WWOX: variants seen among roughly 807,000 people sequenced by gnomAD.
The protein encoded by WWOX is WW domain-containing oxidoreductase.
In WWOX, 69 loss-of-function variants were observed where a neutral mutation model predicts 46.2. That is an observed-to-expected ratio of 1.49 (90% CI 1.23 to 1.82). The LOEUF is 1.82. WWOX is among the 40% of genes most tolerant of loss of function. WWOX has a pLI of 0.00. For synonymous variants in WWOX, 359 were observed against 202.6 expected (o/e 1.77, Z -6.56); for missense variants, 919 against 542.6 (o/e 1.69, Z -6.89).
intron 8 of WWOX, among the ~76,000 whole-genome samples, chr16:78,853,768 G>A (rs1187429628): frequency 6.6e-6 from 1 of 152,002 alleles, no homozygotes; most frequent in African/African-American, 2.4e-5. Flanking sequence ...TACATCCCAG[G>A]GAGGTTTTCA....
chr16:79,023,599 T>C (rs2047578481), intron 8 of WWOX, among the ~76,000 whole-genome samples: 1 of 152,058 alleles, frequency 6.6e-6, no homozygotes, highest in South Asian at 2.1e-4. Context: ...GGAATGACGT[T>C]TTGGTCTGTG....
intron 5 of WWOX, among the ~76,000 whole-genome samples, chr16:78,378,076 A>C (rs771706668): frequency 6.6e-6 from 1 of 151,608 alleles, no homozygotes; most frequent in African/African-American, 2.4e-5. Context: ...GGAATGGCAA[A>C]CTCAGCCTCT....
chr16:78,588,360 T>G (rs2045268997), intron 8 of WWOX, among the ~76,000 whole-genome samples: 1 of 152,154 alleles, frequency 6.6e-6, no homozygotes, highest in East Asian at 1.9e-4. Context: ...GAGGCTGCCT[T>G]TGGTGAAATA....
chr16:78,572,860 C>G (rs575614558), intron 8 of WWOX, among the ~76,000 whole-genome samples: 10 of 152,014 alleles, frequency 6.6e-5, no homozygotes, highest in African/African-American at 1.4e-4. Flanking sequence ...AGTTCTGTTT[C>G]TTAAAATGAG....
intron 5 of WWOX, among the ~76,000 whole-genome samples, chr16:78,352,303 G>C (rs4547346): frequency 6.6e-6 from 1 of 152,102 alleles, no homozygotes; most frequent in African/African-American, 2.4e-5. Flanking sequence ...TAGTGACTTA[G>C]AACCACACAA....
At chr16:78,702,679 A>AAG (rs397689537) in intron 8 of WWOX, among the ~76,000 whole-genome samples, 1 of 151,608 alleles carries the variant, frequency 6.6e-6, no homozygotes, top group East Asian at 1.9e-4. Flanking sequence ...AAAAAAAAAA[A>AAG]GAAATGATGT....
At chr16:78,622,662 C>T (rs988415240) in intron 8 of WWOX, among the ~76,000 whole-genome samples, 1 of 137,358 alleles carries the variant, frequency 7.3e-6, no homozygotes. Flanking sequence ...ACCCTTCCCC[C>T]ACCTTGAATG....
intron 8 of WWOX, among the ~76,000 whole-genome samples, chr16:79,137,527 G>A (rs1334016337): frequency 6.6e-6 from 1 of 152,152 alleles, no homozygotes; most frequent in Non-Finnish European, 1.5e-5. Flanking sequence ...TTGGACCCGT[G>A]GCATTGTCCC....
At chr16:78,323,613 A>G (rs2080540139) in intron 5 of WWOX, among the ~76,000 whole-genome samples, 2 of 152,162 alleles carry the variant, frequency 1.3e-5, no homozygotes, top group African/African-American at 2.4e-5. Flanking sequence ...CATGCCCACT[A>G]TTTGGTTGTG....
intron 8 of WWOX, among the ~76,000 whole-genome samples, chr16:78,789,885 C>A (rs2737304): frequency 2.0e-5 from 3 of 151,926 alleles, no homozygotes; most frequent in African/African-American, 7.3e-5. Context: ...CTTGGGCTTC[C>A]AAATCAGACA....
At position 78,524,572 on chromosome 16, in the gene WWOX, C is replaced by T. The variant is rs185190446; in HGVS notation, c.1056+91820C>T. On this transcript the variant is annotated intron_variant, in intron 8 of 8. Coordinates refer to ENST00000566780, the MANE Select transcript of WWOX (RefSeq NM_016373.4). Reference sequence around the variant, plus strand: ...AGTAGCTGGGATTACAGTTGTGCACCACCAGGCTCTGCTAATTTTTATATT... The same window carrying T: ...AGTAGCTGGGATTACAGTTGTGCACTACCAGGCTCTGCTAATTTTTATATT... 1.0e-3 allele frequency among the ~76,000 whole-genome samples: 157 copies of T among 151,868 alleles called. 3 individuals carry two copies. Among genetic ancestry groups the T allele is most frequent in the Admixed American group, 8.8e-3 (134 of 15,238 alleles).
intron 8 of WWOX, among the ~76,000 whole-genome samples, chr16:79,066,026 G>T (rs1031552527): frequency 1.3e-5 from 2 of 152,190 alleles, no homozygotes; most frequent in African/African-American, 4.8e-5. Context: ...TCCAAATCCA[G>T]TCTGTTCATC....
intron 8 of WWOX, among the ~76,000 whole-genome samples, chr16:79,117,022 C>G (rs893594821): frequency 1.3e-5 from 2 of 151,266 alleles, no homozygotes; most frequent in African/African-American, 4.9e-5. Flanking sequence ...GTACGAGGTA[C>G]ATTGTCAACA....
chr16:78,996,387 C>G (rs1416514406), intron 8 of WWOX: 36 of 853,312 alleles, frequency 4.2e-5, no homozygotes, highest in East Asian at 1.5e-4. Context: ...CCCCCGCCCC[C>G]CAGCTTCCCC....
chr16:78,666,873 C>T (rs190185100), intron 8 of WWOX, among the ~76,000 whole-genome samples: 136 of 152,254 alleles, frequency 8.9e-4, no homozygotes, highest in African/African-American at 3.0e-3. Context: ...TAAGGAGGCT[C>T]CATACTAAAT....
At chr16:79,202,644 C>G (rs1206819418) in intron 8 of WWOX, 1 of 152,186 alleles carries the variant, frequency 6.6e-6, no homozygotes, top group African/African-American at 2.4e-5. Context: ...TCTTTAATTT[C>G]TATTCAGCTT....
intron 5 of WWOX, among the ~76,000 whole-genome samples, chr16:78,168,698 T>C (rs1323924540): frequency 6.6e-6 from 1 of 152,170 alleles, no homozygotes; most frequent in South Asian, 2.1e-4. Flanking sequence ...ATCCTATTTC[T>C]TAGAGGAAGC....
chr16:78,978,397 T>C (rs1435492878), intron 8 of WWOX, among the ~76,000 whole-genome samples: 2 of 152,164 alleles, frequency 1.3e-5, no homozygotes, highest in Admixed American at 6.5e-5. Flanking sequence ...TTTTTAACTT[T>C]TTGGGGAAAT....
intron 8 of WWOX, among the ~76,000 whole-genome samples, chr16:78,957,894 TC>T (rs1446137732): frequency 2.6e-5 from 4 of 152,190 alleles, no homozygotes; most frequent in African/African-American, 9.6e-5. Flanking sequence ...ACATGACTAA[TC>T]CGCCCTTTCT....
Sources: gnomAD v4.1 joint callset for allele counts (sites outside exome capture counted in the v4.1 genomes callset) on GRCh38, gnomAD v4.1.1 for gene constraint, MANE v1.5 for transcripts, NCBI Gene and HGNC (gene_info 2026-07-23, HGNC 2026-07-21) for gene names.